Variants in LAD1 observed in about 807,000 individuals in gnomAD.
LAD1 encodes the protein ladinin 1.
In LAD1, 53 loss-of-function variants were observed where a neutral mutation model predicts 54.2. That is an observed-to-expected ratio of 0.98 (90% CI 0.78 to 1.23). The LOEUF is 1.23. Ranked by LOEUF, LAD1 falls within the 50% of genes most tolerant of loss-of-function variation. The probability of loss-of-function intolerance (pLI) is 0.00; values close to 1 mark genes in which losing one functional copy is unlikely to be tolerated. For missense variants in LAD1, 637 were observed against 653.3 expected (o/e 0.98, Z 0.27); for synonymous variants, 231 against 257.7 (o/e 0.90, Z 0.99).
At chr1:201,382,028 C>G in intron 9 of LAD1, 135 bp from the exon 10 acceptor site, 3 of 986,122 alleles carry the variant, frequency 3.0e-6, no homozygotes, top group Non-Finnish European at 4.6e-6. Flanking sequence ...AATCTGCCAG[C>G]TGAAGAGGGA....
chr1:201,389,046 A>G, intron 2 of LAD1, 114 bp downstream of exon 2: 1 of 1,241,748 alleles, frequency 8.1e-7, no homozygotes, highest in Non-Finnish European at 1.1e-6. Context: ...TCATCATCAC[A>G]CCCTTCAGCC....
intron 1 of LAD1, among the ~76,000 whole-genome samples, chr1:201,391,850 G>A (rs936171230): frequency 4.6e-5 from 7 of 152,210 alleles, no homozygotes; most frequent in African/African-American, 1.7e-4. Context: ...GGAGTACCAG[G>A]CTGTGAAAGT....
At position 201,387,055 on chromosome 1, in the gene LAD1, C is replaced by T. The variant is rs1457972975; in HGVS notation, c.306G>A (p.Val102=). 6.2e-7 allele frequency: 1 copy of T among 1,612,204 alleles called. No individual in the cohort carries two copies. The highest frequency in any genetic ancestry group is 1.3e-5 in the African/African-American group (1 of 74,938). The change falls in exon 3 of 10, where the codon GTG becomes GTA. Residue 102 remains valine (V), a synonymous_variant. Coordinates refer to ENST00000391967, the MANE Select transcript of LAD1 (RefSeq NM_005558.4). ...CCTGGATGGGGGCCTGTGCAGCCTC[C>T]ACCACCTGCCGCCTCTGCCTCCGCT... ...RQERRQRRQV[V]EAAQAPIQER...
At chr1:201,389,108 C>T (rs1662148621) in intron 2 of LAD1, 52 bp downstream of exon 2, 1 of 1,585,180 alleles carries the variant, frequency 6.3e-7, no homozygotes, top group Non-Finnish European at 8.6e-7. Context: ...TGCACTTAGT[C>T]TGAGGCAACC....
chr1:201,392,054 C>T (rs775613016), intron 1 of LAD1, among the ~76,000 whole-genome samples: 2 of 152,272 alleles, frequency 1.3e-5, no homozygotes, highest in Non-Finnish European at 2.9e-5. Context: ...CTAGTTCCCA[C>T]TGAGCCTGTC....
In LAD1 at chr1:201,389,153, C is replaced by A; in HGVS notation, c.182+7G>T. ...CCATCCATCAGGATAGAAACCTGAG[C>A]ACCTACCTCTCAGAAGCAGAGGCCT... is the stretch of plus-strand genomic sequence containing the variant. On this transcript the variant is annotated splice_region_variant and intron_variant, in intron 2 of 9. Coordinates refer to ENST00000391967, the MANE Select transcript of LAD1 (RefSeq NM_005558.4). 1 of 1,613,262 alleles carries A rather than the reference C, an allele frequency of 6.2e-7. No homozygotes were observed. The highest frequency in any genetic ancestry group is 1.3e-5 in the African/African-American group (1 of 75,058).
rs781487212 is a variant in LAD1 at position 201,385,857 on chromosome 1, G to A, written c.1027-52C>T. On this transcript the variant is annotated intron_variant, in intron 3 of 9. Transcript: ENST00000391967. ...TAAGAGGTCTAGGGCCCATCAAGCC[G>A]GGGCAGCCATAAACCCCATGGCTCA... 73 of 1,368,316 alleles carry A rather than the reference G, an allele frequency of 5.3e-5. No homozygotes were observed. The South Asian group carries it at 5.7e-4, about 11-fold the overall frequency. 84.8% of individuals were successfully genotyped at this position (1,368,316 alleles called of 1,614,324 possible).
At chr1:201,388,123 C>T (rs538336238) in intron 2 of LAD1, among the ~76,000 whole-genome samples, 3 of 152,258 alleles carry the variant, frequency 2.0e-5, no homozygotes, top group Admixed American at 2.0e-4. Flanking sequence ...GCCGGTGCAG[C>T]GGCTCACACC....
rs746171639 is a variant in LAD1 at position 201,386,871 on chromosome 1, T to C, written c.490A>G (p.Arg164Gly). ...CCTTTCTTCCTCTCTTCTGGCTCCC[T>C]GCCCACCAAGCTCTCCTCCTCCAGG... Reference protein sequence around the residue: ...WALEEESLVGREPEERKKGVP... With the variant: ...WALEEESLVGGEPEERKKGVP... The change falls in exon 3 of 10, where the codon AGG becomes GGG. Residue 164 changes from arginine to glycine, a missense_variant. By Grantham distance (125) the Arg-to-Gly change is moderately radical. Coordinates refer to ENST00000391967, the MANE Select transcript of LAD1 (RefSeq NM_005558.4). 1.7e-5 allele frequency: 28 copies of C among 1,610,218 alleles called. No homozygotes were observed. The highest frequency in any genetic ancestry group is 2.3e-5 in the Non-Finnish European group (27 of 1,179,298).
At position 201,381,504 on chromosome 1, in the gene LAD1, G is replaced by A. The variant is rs1409182896; in HGVS notation, c.*384C>T. 8 of 308,448 alleles carry A rather than the reference G, an allele frequency of 2.6e-5. No homozygotes were observed. Among genetic ancestry groups the A allele is most frequent in the Admixed American group, 4.7e-5 (1 of 21,138 alleles). The allele number at this position is 308,448 out of a possible 1,614,324, so 19.1% of individuals were successfully genotyped here. A position where few individuals can be genotyped will look rare whatever the true frequency, so the allele number is the denominator to read the frequency against. On this transcript the variant is annotated 3_prime_UTR_variant, in exon 10 of 10. Transcript: ENST00000391967. ...GACAAAGAGGCACTTGCTGGGAGCC[G>A]ATGAGACAGGTGACTCTGGAGTTCT...
At chr1:201,399,217 C>T in intron 1 of LAD1, 52 bp downstream of exon 1, 1 of 1,465,014 alleles carries the variant, frequency 6.8e-7, no homozygotes, top group Non-Finnish European at 9.2e-7. Flanking sequence ...GAGAGGAGAC[C>T]CAAAGGCTCC....
At chr1:201,387,770 G>A (rs1179911492) in intron 2 of LAD1, among the ~76,000 whole-genome samples, 1 of 152,190 alleles carries the variant, frequency 6.6e-6, no homozygotes, top group African/African-American at 2.4e-5. Flanking sequence ...GGTCATCACA[G>A]CCCTGTTCTC....
intron 1 of LAD1, among the ~76,000 whole-genome samples, chr1:201,390,910 T>C (rs1662187152): frequency 6.6e-6 from 1 of 152,202 alleles, no homozygotes; most frequent in Non-Finnish European, 1.5e-5. Flanking sequence ...GCGGGCCTGG[T>C]CCTGCCTGAA....
chr1:201,383,968 G>C (rs993873249), intron 5 of LAD1, among the ~76,000 whole-genome samples: 2 of 152,180 alleles, frequency 1.3e-5, no homozygotes, highest in East Asian at 3.8e-4. Context: ...CTTCCTGCTA[G>C]TTCATGGAAA....
At chr1:201,391,196 C>T (rs1354575596) in intron 1 of LAD1, 2 of 450,768 alleles carry the variant, frequency 4.4e-6, no homozygotes, top group African/African-American at 4.0e-5. Context: ...CTCCACAGAT[C>T]TGGATGAAAA....
rs376207243 is a variant in LAD1, at chr1:201,383,290, C to T, written c.1248+27G>A. ...TGCCCACTACTCATCCTGCACCCTCCGCCCCTCAGGAGAAGCCCCCACCCA... is the reference window on the plus strand; with the variant it reads ...TGCCCACTACTCATCCTGCACCCTCTGCCCCTCAGGAGAAGCCCCCACCCA... On this transcript the variant is annotated intron_variant, in intron 6 of 9. Coordinates refer to ENST00000391967, the MANE Select transcript of LAD1 (RefSeq NM_005558.4). 877 of 1,613,900 alleles carry T rather than the reference C, an allele frequency of 5.4e-4. 12 individuals carry two copies. The South Asian group carries it at 9.0e-3, about 17-fold the overall frequency.
At chr1:201,382,834 C>A in intron 7 of LAD1, 95 bp from the exon 8 acceptor site, 1 of 1,022,396 alleles carries the variant, frequency 9.8e-7, no homozygotes, top group East Asian at 2.5e-5. Flanking sequence ...CTCCCTCACT[C>A]CCCTATGCAT....
At chr1:201,382,135 G>A (rs759184911) in intron 9 of LAD1, 117 bp downstream of exon 9, 227 of 951,766 alleles carry the variant, frequency 2.4e-4, no homozygotes, top group Non-Finnish European at 3.4e-4. Flanking sequence ...GGATGGGGGC[G>A]TTCTGGGTGG....
intron 2 of LAD1, among the ~76,000 whole-genome samples, chr1:201,387,978 T>C (rs1662128541): frequency 6.6e-6 from 1 of 152,168 alleles, no homozygotes; most frequent in Non-Finnish European, 1.5e-5. Flanking sequence ...AAAATGAGAC[T>C]CATGAGGGTG....
Sources: gnomAD v4.1 joint callset for allele counts (sites outside exome capture counted in the v4.1 genomes callset) on GRCh38, gnomAD v4.1.1 for gene constraint, MANE v1.5 for transcripts, NCBI Gene and HGNC (gene_info 2026-07-23, HGNC 2026-07-21) for gene names.